Variants in CHRM3 observed in about 807,000 individuals in gnomAD.
The protein encoded by CHRM3 is muscarinic acetylcholine receptor M3.
A neutral mutation model predicts 41.8 loss-of-function variants in CHRM3; 11 were observed. The ratio of observed to expected loss-of-function variants is 0.26; its 90% CI spans 0.17 to 0.44. The LOEUF (loss-of-function observed/expected upper bound fraction) is 0.44, where lower values mean the gene tolerates loss of function less well. Among genes scored for constraint, CHRM3 ranks in the 20% least tolerant of loss-of-function variants. The pLI is 1.00. For synonymous variants in CHRM3, 297 were observed against 301.4 expected, an observed-to-expected ratio of 0.99 and a Z score of 0.15; for missense variants, 571 against 745.4, an observed-to-expected ratio of 0.77 and a Z score of 2.72.
At chr1:239,856,363 T>TA in intron 6 of CHRM3, among the ~76,000 whole-genome samples, 1 of 152,264 alleles carries the variant, frequency 6.6e-6, no homozygotes, top group Admixed American at 6.5e-5. Context: ...GCCGTCCCCC[T>TA]AGTGCTGTCT....
intron 5 of CHRM3, among the ~76,000 whole-genome samples, chr1:239,773,711 G>C (rs1667869783): frequency 6.6e-6 from 1 of 152,148 alleles, no homozygotes; most frequent in Non-Finnish European, 1.5e-5. Flanking sequence ...TCAATCACTA[G>C]TCAAGGGAAA....
At chr1:239,479,971 GT>G (rs1275232235) in intron 1 of CHRM3, among the ~76,000 whole-genome samples, 2 of 152,254 alleles carry the variant, frequency 1.3e-5, no homozygotes, top group East Asian at 3.9e-4. Flanking sequence ...GTGCTATGAT[GT>G]TACAAAGGCT....
chr1:239,768,499 TGG>T (rs1667401517), intron 5 of CHRM3, among the ~76,000 whole-genome samples: 2 of 151,952 alleles, frequency 1.3e-5, no homozygotes, highest in South Asian at 2.1e-4. Flanking sequence ...AAAATAAACA[TGG>T]TGAAAATTAA....
chr1:239,865,855 G>C (rs1203760428), intron 6 of CHRM3, among the ~76,000 whole-genome samples: 1 of 152,154 alleles, frequency 6.6e-6, no homozygotes, highest in Non-Finnish European at 1.5e-5. Context: ...CTTGAATACA[G>C]AGAGTTGGTC....
chr1:239,636,895 A>G (rs535497377), intron 4 of CHRM3, among the ~76,000 whole-genome samples: 3 of 152,334 alleles, frequency 2.0e-5, no homozygotes, highest in African/African-American at 7.2e-5. Flanking sequence ...GGCTGGCCAC[A>G]TACTTGTTAT....
intron 4 of CHRM3, among the ~76,000 whole-genome samples, chr1:239,670,052 G>C (rs574103574): frequency 6.6e-6 from 1 of 152,256 alleles, no homozygotes; most frequent in African/African-American, 2.4e-5. Flanking sequence ...AAAATAATAA[G>C]AAGCCAGTTA....
chr1:239,852,401 T>C (rs1225457956), intron 6 of CHRM3, among the ~76,000 whole-genome samples: 3 of 152,170 alleles, frequency 2.0e-5, no homozygotes, highest in Non-Finnish European at 4.4e-5. Flanking sequence ...ATGGTCATGA[T>C]GACGATGACA....
intron 3 of CHRM3, among the ~76,000 whole-genome samples, chr1:239,619,781 T>G (rs1321160816): frequency 6.6e-6 from 1 of 151,904 alleles, no homozygotes; most frequent in African/African-American, 2.4e-5. Context: ...TACTTATCCC[T>G]AGCTTTCACA....
At chr1:239,719,824 G>A (rs10925955) in intron 5 of CHRM3, among the ~76,000 whole-genome samples, 13 of 151,958 alleles carry the variant, frequency 8.6e-5, no homozygotes, top group African/African-American at 3.1e-4. Context: ...AAGCAACTAT[G>A]TCCTTCAAAC....
Position 239,908,898 on chromosome 1 carries a change from C to G in CHRM3, c.1447C>G (p.Leu483Val). 1 of 1,614,108 alleles carries G rather than the reference C, an allele frequency of 6.2e-7. No homozygotes were observed. Among genetic ancestry groups the G allele is most frequent in the Non-Finnish European group, 8.5e-7 (1 of 1,180,022 alleles). ...GATCACTAAGCGGAAAAGGATGTCC[C>G]TGGTCAAGGAGAAGAAAGCGGCCCA... ...SQITKRKRMS[L>V]VKEKKAAQTL... Residue 483 changes from leucine (L) to valine (V), a missense_variant, in exon 7 of 7, where the codon CTG (leucine) becomes GTG (valine). This residue lies in a region of CHRM3 where 239 missense variants were observed against 239.6 expected (regional missense o/e 1.00). Coordinates refer to ENST00000676153, the MANE Select transcript of CHRM3 (RefSeq NM_001375978.1). The surrounding 1 kb of genome is among the most constrained non-coding windows in gnomAD (Gnocchi z 7.2).
chr1:239,534,253 G>A (rs868184938), intron 2 of CHRM3, among the ~76,000 whole-genome samples: 19 of 152,190 alleles, frequency 1.2e-4, no homozygotes, highest in Admixed American at 2.0e-4. Context: ...TTGAACCCGG[G>A]AGGCAGAAGT....
intron 2 of CHRM3, among the ~76,000 whole-genome samples, chr1:239,532,812 A>G (rs539077066): frequency 6.6e-6 from 1 of 152,202 alleles, no homozygotes; most frequent in African/African-American, 2.4e-5. Flanking sequence ...AAATCTATGC[A>G]TAATCACCTC....
intron 3 of CHRM3, among the ~76,000 whole-genome samples, chr1:239,619,444 A>G (rs958753726): frequency 6.6e-6 from 1 of 152,194 alleles, no homozygotes; most frequent in African/African-American, 2.4e-5. Flanking sequence ...AGAACAAAAT[A>G]TAGCTACTTT....
chr1:239,528,195 C>T (rs1055482669), intron 2 of CHRM3, among the ~76,000 whole-genome samples: 2 of 152,164 alleles, frequency 1.3e-5, no homozygotes, highest in South Asian at 4.1e-4. Flanking sequence ...TCCATGTCTG[C>T]GAGCTCATAG....
At chr1:239,779,457 A>G (rs893800134) in intron 5 of CHRM3, among the ~76,000 whole-genome samples, 5 of 152,244 alleles carry the variant, frequency 3.3e-5, no homozygotes, top group African/African-American at 1.2e-4. Flanking sequence ...ACCTAGGCCA[A>G]GTGTGTTGGC....
rs1680444492 is a variant in CHRM3, at chr1:239,912,923, G to T, written c.*3699G>T. 1.8e-5 allele frequency: 3 copies of T among 167,078 alleles called. No homozygotes were observed. Among genetic ancestry groups the T allele is most frequent in the Non-Finnish European group, 2.9e-5 (2 of 68,134 alleles). 10.3% of individuals were successfully genotyped at this position (167,078 alleles called of 1,614,324 possible). ...TGCTTAGTTACATGTCCTTAGGAAT[G>T]CTTGTCACTTAACCTAAACTTTCTG... On this transcript the variant is annotated 3_prime_UTR_variant, in exon 7 of 7. Coordinates refer to ENST00000676153, the MANE Select transcript of CHRM3 (RefSeq NM_001375978.1).
chr1:239,461,360 A>G (rs892180052), intron 1 of CHRM3, among the ~76,000 whole-genome samples: 17 of 152,188 alleles, frequency 1.1e-4, no homozygotes, highest in African/African-American at 4.1e-4. Flanking sequence ...CAATATACAT[A>G]GAAGATGGGG....
At chr1:239,692,408 A>T (rs1659807427) in intron 5 of CHRM3, among the ~76,000 whole-genome samples, 1 of 152,206 alleles carries the variant, frequency 6.6e-6, no homozygotes, top group Non-Finnish European at 1.5e-5. Flanking sequence ...CTCCTTGAGT[A>T]AGAAATAGCA....
At chr1:239,764,702 A>G (rs1285240096) in intron 5 of CHRM3, among the ~76,000 whole-genome samples, 1 of 152,244 alleles carries the variant, frequency 6.6e-6, no homozygotes, top group Non-Finnish European at 1.5e-5. Context: ...CTATGGGAAA[A>G]TGAGCTGATA....
Sources: allele counts gnomAD v4.1 joint callset (sites outside exome capture counted in the v4.1 genomes callset), GRCh38; gene constraint gnomAD v4.1.1; regional missense constraint gnomAD v4.1.1; non-coding constraint Gnocchi (gnomAD v3.1); transcripts MANE v1.5; gene names NCBI Gene and HGNC (gene_info 2026-07-23, HGNC 2026-07-21).